Variants in RBPMS2 observed in about 807,000 individuals in gnomAD.
The protein encoded by RBPMS2 is RNA-binding protein with multiple splicing 2.
RBPMS2 carries 14 observed loss-of-function variants against 25.7 expected under a neutral mutation model. The ratio of observed to expected loss-of-function variants is 0.55; its 90% CI spans 0.36 to 0.85. The LOEUF is 0.85. RBPMS2 is among the 40% of genes least tolerant of loss of function. RBPMS2 has a pLI of 0.01. For missense variants in RBPMS2, 252 were observed against 283.4 expected (o/e 0.89, Z 0.80); for synonymous variants, 127 against 115.6 (o/e 1.10, Z -0.63).
chr15:64,765,408 C>T (rs1043734962), intron 1 of RBPMS2, among the ~76,000 whole-genome samples: 5 of 142,524 alleles, frequency 3.5e-5, no homozygotes, highest in South Asian at 2.3e-4. Flanking sequence ...AGCAAGACTC[C>T]GTCTCAAAAA....
At position 64,775,393 on chromosome 15, in the gene RBPMS2, GCGCGGGGAGCGGTGCGCT is replaced by G; in HGVS notation, c.-92_-75del. ...CCGGCCCCGCGGGAAGTGGGAAGGG[GCGCGGGGAGCGGTGCGCT>G]CGCGGGTGCGGAGCGGGTGGCGGGG... On this transcript the variant is annotated 5_prime_UTR_variant, in exon 1 of 8. Coordinates refer to ENST00000300069, the MANE Select transcript of RBPMS2 (RefSeq NM_194272.3). 1.2e-6 allele frequency: 1 copy of G among 853,992 alleles called. No homozygotes were observed. Among genetic ancestry groups the G allele is most frequent in the East Asian group, 3.7e-5 (1 of 26,766 alleles). 52.9% of individuals were successfully genotyped at this position (853,992 alleles called of 1,614,324 possible). A position where few individuals can be genotyped will look rare whatever the true frequency, so the allele number is the denominator to read the frequency against.
intron 1 of RBPMS2, among the ~76,000 whole-genome samples, chr15:64,772,160 AT>A (rs1358386717): frequency 1.3e-5 from 2 of 152,232 alleles, no homozygotes; most frequent in African/African-American, 4.8e-5. Context: ...CAGCAACTGT[AT>A]TATGAAAGCA....
intron 5 of RBPMS2, 71 bp downstream of exon 5, chr15:64,748,929 C>A: frequency 6.5e-7 from 1 of 1,547,208 alleles, no homozygotes. Context: ...AGGGGCTTCC[C>A]TCTGCAAGAG....
chr15:64,773,438 G>A (rs983056069), intron 1 of RBPMS2, among the ~76,000 whole-genome samples: 3 of 152,204 alleles, frequency 2.0e-5, no homozygotes, highest in Non-Finnish European at 2.9e-5. Flanking sequence ...TTCCAAGTGC[G>A]CGGATTTGGA....
intron 1 of RBPMS2, among the ~76,000 whole-genome samples, chr15:64,772,308 C>T (rs946137826): frequency 6.6e-6 from 1 of 152,188 alleles, no homozygotes; most frequent in Non-Finnish European, 1.5e-5. Context: ...CTGCCCCGGA[C>T]AGGTTCATGT....
chr15:64,749,256 G>C (rs2083651386), intron 4 of RBPMS2, 106 bp from the exon 5 acceptor site: 1 of 1,421,138 alleles, frequency 7.0e-7, no homozygotes, highest in Non-Finnish European at 9.9e-7. Flanking sequence ...TCGAAGACCT[G>C]CCCACACGGT....
At chr15:64,774,886 G>A (rs929364467) in intron 1 of RBPMS2, among the ~76,000 whole-genome samples, 1 of 151,554 alleles carries the variant, frequency 6.6e-6, no homozygotes, top group Non-Finnish European at 1.5e-5. Flanking sequence ...CTCGGAGGAG[G>A]GCGGCGAGCG....
At chr15:64,766,382 A>G (rs2083845823) in intron 1 of RBPMS2, among the ~76,000 whole-genome samples, 1 of 152,210 alleles carries the variant, frequency 6.6e-6, no homozygotes, top group African/African-American at 2.4e-5. Flanking sequence ...GTTGGCACGT[A>G]TCAGAAGTAA....
At chr15:64,755,814 T>G (rs976771365) in intron 1 of RBPMS2, among the ~76,000 whole-genome samples, 6 of 152,034 alleles carry the variant, frequency 3.9e-5, no homozygotes, top group Non-Finnish European at 8.8e-5. Context: ...GCCCAACACC[T>G]GCTTCCATCA....
At chr15:64,741,698 G>T (rs117857635) in intron 6 of RBPMS2, among the ~76,000 whole-genome samples, 1 of 152,216 alleles carries the variant, frequency 6.6e-6, no homozygotes, top group South Asian at 2.1e-4. Flanking sequence ...CAGAAATGAC[G>T]AAGTCATATG....
chr15:64,759,992 A>AG (rs1485809468), intron 1 of RBPMS2, among the ~76,000 whole-genome samples: 1 of 152,228 alleles, frequency 6.6e-6, no homozygotes, highest in Non-Finnish European at 1.5e-5. Context: ...TGTGTCTATC[A>AG]GCTCAGGTAG....
At chr15:64,769,329 CAGA>C (rs1224204678) in intron 1 of RBPMS2, among the ~76,000 whole-genome samples, 1 of 146,444 alleles carries the variant, frequency 6.8e-6, no homozygotes, top group Non-Finnish European at 1.5e-5. Flanking sequence ...GAGGCTGAGG[CAGA>C]AGAATTGCTT....
chr15:64,749,337 T>A lies in RBPMS2; in HGVS notation c.267+94A>T. 2.2e-6 allele frequency: 3 copies of A among 1,366,684 alleles called. No individual in the cohort carries two copies. The South Asian group carries it at 3.5e-5, about 16-fold the overall frequency. 84.7% of individuals were successfully genotyped at this position (1,366,684 alleles called of 1,614,324 possible). A position where few individuals can be genotyped will look rare whatever the true frequency, so the allele number is the denominator to read the frequency against. Reference sequence around the variant, plus strand: ...TGGCACAGACAGTGTCGCCAAGGACTCTGCCCAGGGATGGCCGGGAAATAA... The same window carrying A: ...TGGCACAGACAGTGTCGCCAAGGACACTGCCCAGGGATGGCCGGGAAATAA... On this transcript the variant is annotated intron_variant, in intron 4 of 7. Coordinates refer to ENST00000300069, the MANE Select transcript of RBPMS2 (RefSeq NM_194272.3).
Position 64,775,238 on chromosome 15 carries a change from C to A in RBPMS2, c.82G>T (p.Glu28Ter). The A allele has an allele frequency of 7.6e-7, 1 of 1,307,836 alleles. No homozygotes were observed. The highest frequency in any genetic ancestry group is 9.8e-7 in the Non-Finnish European group (1 of 1,025,424). The allele number at this position is 1,307,836 out of a possible 1,614,324, so 81.0% of individuals were successfully genotyped here. Residue 28 changes from glutamate (E) to a stop codon, truncating the protein, a stop_gained, in exon 1 of 8, where the codon GAG (glutamate) becomes TAG (stop). Coordinates refer to ENST00000300069, the MANE Select transcript of RBPMS2 (RefSeq NM_194272.3). LOFTEE classifies it high-confidence loss of function. ...TCCCGGGGCCACAGACCCACCTCCT[C>A]CTCCAGGGCGCCGCCGGAGCCCGCG... ...SGAGSGGALE[E>*]EVRTLFVSGL... is the part of the protein sequence containing the mutation.
chr15:64,774,340 T>C (rs1313983233), intron 1 of RBPMS2, among the ~76,000 whole-genome samples: 1 of 152,176 alleles, frequency 6.6e-6, no homozygotes, highest in Non-Finnish European at 1.5e-5. Context: ...TCTACTCCAG[T>C]TCTTGTCTCC....
At chr15:64,747,823 C>CCT (rs2141057738) in intron 6 of RBPMS2, among the ~76,000 whole-genome samples, 1 of 152,332 alleles carries the variant, frequency 6.6e-6, no homozygotes, top group African/African-American at 2.4e-5. Flanking sequence ...GCATTCACTC[C>CCT]CTGTTTCCTG....
intron 3 of RBPMS2, among the ~76,000 whole-genome samples, 155 bp downstream of exon 3, chr15:64,750,188 G>C (rs945642146): frequency 6.6e-6 from 1 of 152,150 alleles, no homozygotes; most frequent in Non-Finnish European, 1.5e-5. Context: ...GAGACAGTGG[G>C]ACCTACAGAG....
chr15:64,763,265 A>G (rs990446350), intron 1 of RBPMS2, among the ~76,000 whole-genome samples: 1 of 152,174 alleles, frequency 6.6e-6, no homozygotes, highest in African/African-American at 2.4e-5. Context: ...GGAAGACAGC[A>G]AGCAGCACAC....
chr15:64,762,411 C>A (rs746530962), intron 1 of RBPMS2: 1 of 534,680 alleles, frequency 1.9e-6, no homozygotes, highest in Admixed American at 1.9e-5. Flanking sequence ...ACAGAGCACA[C>A]GAGCTGCAGC....
Sources: allele counts gnomAD v4.1 joint callset (sites outside exome capture counted in the v4.1 genomes callset), GRCh38; gene constraint gnomAD v4.1.1; transcripts MANE v1.5; gene names NCBI Gene and HGNC (gene_info 2026-07-23, HGNC 2026-07-21).